CFAP92: variants seen among roughly 807,000 people sequenced by gnomAD.
The protein encoded by CFAP92 is uncharacterized protein CFAP92.
Under a neutral mutation model 106.3 loss-of-function variants are expected in CFAP92, and 86 were observed. That is an observed-to-expected ratio of 0.81 (90% CI 0.68 to 0.97). The LOEUF is 0.97. Ranked by LOEUF, CFAP92 falls within the 50% of genes least tolerant of loss-of-function variation. The pLI is 0.00. For missense variants in CFAP92, 1,204 were observed against 1,283.8 expected (o/e 0.94, Z 0.95); for synonymous variants, 477 against 506.4 (o/e 0.94, Z 0.78).
At chr3:128,962,327 C>T (rs914057917) in intron 9 of CFAP92, among the ~76,000 whole-genome samples, 1 of 152,182 alleles carries the variant, frequency 6.6e-6, no homozygotes, top group African/African-American at 2.4e-5. Context: ...GTTTCCCTTG[C>T]CTCCATAACT....
Position 128,935,131 on chromosome 3 carries a change from A to G in CFAP92, c.2447T>C (p.Leu816Pro). The change falls in exon 11 of 16, where the codon CTA becomes CCA. Residue 816 changes from leucine to proline, a missense_variant. Physicochemically the swap from Leu to Pro is moderately conservative, Grantham distance 98. Transcript: ENST00000645291. ...DTERRRVFQALARIHDICYNS... is the reference protein window; with the variant it reads ...DTERRRVFQAPARIHDICYNS... ...GCGAGCTGCCACTGCCCACCTGGCT[A>G]GAGCCTGGAAGACCCGCCTCCGCTC... is the stretch of plus-strand genomic sequence containing the variant. 1 of 1,524,050 alleles carries G rather than the reference A, an allele frequency of 6.6e-7. No individual in the cohort carries two copies. Among genetic ancestry groups the G allele is most frequent in the Non-Finnish European group, 8.8e-7 (1 of 1,139,236 alleles). The allele number at this position is 1,524,050 out of a possible 1,614,324, so 94.4% of individuals were successfully genotyped here.
chr3:128,975,429 AT>A (rs1943083565), intron 7 of CFAP92, among the ~76,000 whole-genome samples: 1 of 21,502 alleles, frequency 4.7e-5, no homozygotes, highest in Admixed American at 4.1e-4. Context: ...ATGGATAGGG[AT>A]GGATGGATGG....
In CFAP92 at chr3:128,962,751, C is replaced by T. The variant is rs1010304868; in HGVS notation, c.1353+2760G>A. On this transcript the variant is annotated intron_variant, in intron 9 of 15. Transcript: ENST00000645291. The stretch of plus-strand genomic sequence containing the variant: ...CTGTGATCACTCGCCTGCTACAGCA[C>T]GGGCTTCTAAAACCTATAAACTCTC... Among the ~76,000 whole-genome samples, 6 of 152,146 alleles carry T rather than the reference C, an allele frequency of 3.9e-5. 1 individual carries two copies. Among genetic ancestry groups the T allele is most frequent in the South Asian group, 4.1e-4 (2 of 4,828 alleles).
At chr3:128,967,062 A>G (rs810952) in intron 8 of CFAP92, 102,968 of 152,082 alleles carry the variant, frequency 0.68, 36,521 homozygotes, top group African/African-American at 0.91. Context: ...TTTCATCTTC[A>G]AAATGGGGAT....
chr3:128,910,788 C>G lies in CFAP92; in HGVS notation c.3281-455G>C, dbSNP rs1397918512. On this transcript the variant is annotated intron_variant, in intron 15 of 15. Coordinates refer to ENST00000645291, the MANE Select transcript of CFAP92 (RefSeq NM_001394090.1). ...GCGTGGAAGCTTACTTGCAGAATCTCTTCAGCCTCTCTCAGCTGGACAAGT... is the reference window on the plus strand; with the variant it reads ...GCGTGGAAGCTTACTTGCAGAATCTGTTCAGCCTCTCTCAGCTGGACAAGT... 9 of 1,614,098 alleles carry G rather than the reference C, an allele frequency of 5.6e-6. No individual in the cohort carries two copies. In the South Asian group the frequency reaches 9.9e-5, roughly 18 times the overall value.
chr3:128,945,982 G>C lies in CFAP92; in HGVS notation c.1354-7C>G. 1 of 1,427,178 alleles carries C rather than the reference G, an allele frequency of 7.0e-7. No individual in the cohort carries two copies. Among genetic ancestry groups the C allele is most frequent in the Admixed American group, 3.0e-5 (1 of 33,308 alleles). The allele number at this position is 1,427,178 out of a possible 1,614,324, so 88.4% of individuals were successfully genotyped here. ...ACACAGGCATGCACAGCCTCTACGA[G>C]AGAGCAGGGCCACAGCAGGTCACCC... On this transcript the variant is annotated splice_polypyrimidine_tract_variant and splice_region_variant and intron_variant, in intron 9 of 15. Coordinates refer to ENST00000645291, the MANE Select transcript of CFAP92 (RefSeq NM_001394090.1).
At position 128,975,896 on chromosome 3, in the gene CFAP92, C is replaced by T; in HGVS notation, c.904G>A (p.Val302Ile). 6.3e-7 allele frequency: 1 copy of T among 1,599,832 alleles called. No individual in the cohort carries two copies. Among genetic ancestry groups the T allele is most frequent in the Non-Finnish European group, 8.5e-7 (1 of 1,175,620 alleles). The change falls in exon 7 of 16, where the codon GTT becomes ATT. Residue 302 changes from valine (V) to isoleucine (I), a missense_variant. Physicochemically the swap from Val to Ile is conservative, Grantham distance 29 (BLOSUM62 3). Transcript: ENST00000645291. Reference sequence around the variant, plus strand: ...AAAGAAATGGTTGGTGTTCTTGAAACACTCCATCTAGAAAATTCACAAAGA... The same window carrying T: ...AAAGAAATGGTTGGTGTTCTTGAAATACTCCATCTAGAAAATTCACAAAGA... ...MDDSSTIQWS[V>I]SRTPTISLAG...
intron 4 of CFAP92, among the ~76,000 whole-genome samples, chr3:128,984,009 G>A (rs1327990910): frequency 6.6e-6 from 1 of 152,172 alleles, no homozygotes; most frequent in African/African-American, 2.4e-5. Context: ...GAGGGCAGGA[G>A]GGAAAAGACA....
chr3:128,950,690 G>C (rs943318227), intron 9 of CFAP92, among the ~76,000 whole-genome samples: 1 of 152,210 alleles, frequency 6.6e-6, no homozygotes, highest in Non-Finnish European at 1.5e-5. Flanking sequence ...CACACAGGGG[G>C]TGCTCAACTC....
At chr3:128,972,936 C>T (rs72977166) in intron 7 of CFAP92, among the ~76,000 whole-genome samples, 5,068 of 151,744 alleles carry the variant, frequency 0.033, 262 homozygotes, top group African/African-American at 0.11. Flanking sequence ...CTCAAGTGAT[C>T]ATCCCCTCAG....
intron 12 of CFAP92, among the ~76,000 whole-genome samples, chr3:128,931,802 C>G (rs910176516): frequency 1.3e-5 from 2 of 151,946 alleles, no homozygotes; most frequent in Admixed American, 1.3e-4. Flanking sequence ...GCAGGAGAAT[C>G]CCTTGAGCCT....
At position 128,993,239 on chromosome 3, in the gene CFAP92, A is replaced by G. The variant is rs1249046484; in HGVS notation, c.66T>C (p.Thr22=). The change falls in exon 2 of 16, where the codon ACT becomes ACC. Residue 22 remains threonine, a synonymous_variant. Coordinates refer to ENST00000645291, the MANE Select transcript of CFAP92 (RefSeq NM_001394090.1). ...ACTCGCTCGTGGACTGGTAAAAGCT[A>G]GTGATGGAGGAGATGGGCTCTATGC... is the stretch of plus-strand genomic sequence containing the variant. ...PASIEPISSI[T]SFYQSTSECD... is the part of the protein sequence containing the mutation. 6 of 1,613,874 alleles carry G rather than the reference A, an allele frequency of 3.7e-6. No individual in the cohort carries two copies.
intron 10 of CFAP92, among the ~76,000 whole-genome samples, chr3:128,936,489 C>G (rs1036200583): frequency 3.3e-5 from 5 of 151,146 alleles, no homozygotes; most frequent in African/African-American, 4.9e-5. Context: ...TCATCACACC[C>G]AACTAAAACA....
chr3:128,963,061 C>T (rs1266586470), intron 9 of CFAP92, among the ~76,000 whole-genome samples: 2 of 152,244 alleles, frequency 1.3e-5, no homozygotes, highest in African/African-American at 4.8e-5. Context: ...GGCTGTACTG[C>T]CGCAAGGCTT....
At chr3:128,923,237 T>A (rs1576395525) in intron 12 of CFAP92, among the ~76,000 whole-genome samples, 1 of 151,410 alleles carries the variant, frequency 6.6e-6, no homozygotes, top group African/African-American at 2.4e-5. Flanking sequence ...ATGGAGGGGG[T>A]TCCCCCAGTA....
chr3:128,975,922 G>T lies in CFAP92; in HGVS notation c.897-19C>A. ...ACTCCATCTAGAAAATTCACAAAGAGAAAAATTAATGAAGGTGAAAAAAAT... is the reference window on the plus strand; with the variant it reads ...ACTCCATCTAGAAAATTCACAAAGATAAAAATTAATGAAGGTGAAAAAAAT... On this transcript the variant is annotated intron_variant, in intron 6 of 15. Coordinates refer to ENST00000645291, the MANE Select transcript of CFAP92 (RefSeq NM_001394090.1). 6.3e-7 allele frequency: 1 copy of T among 1,587,104 alleles called. No homozygotes were observed. The highest frequency in any genetic ancestry group is 8.6e-7 in the Non-Finnish European group (1 of 1,169,528).
chr3:128,912,500 T>C lies in CFAP92; in HGVS notation c.3281-2167A>G. ...GATCACCCACCATCTCTCCTTTTCC[T>C]TCCCAGATGCTCCAGAAAACCTAGA... On this transcript the variant is annotated intron_variant, in intron 15 of 15. Transcript: ENST00000645291. 6.2e-7 allele frequency: 1 copy of C among 1,612,900 alleles called. No individual in the cohort carries two copies. The highest frequency in any genetic ancestry group is 8.5e-7 in the Non-Finnish European group (1 of 1,178,956).
chr3:128,947,509 C>T (rs545789419), intron 9 of CFAP92, among the ~76,000 whole-genome samples: 1 of 152,320 alleles, frequency 6.6e-6, no homozygotes, highest in East Asian at 1.9e-4. Flanking sequence ...TACAAAGCTA[C>T]TATAAGCAAG....
At chr3:128,913,199 G>T (rs1936539388) in intron 15 of CFAP92, 1 of 386,510 alleles carries the variant, frequency 2.6e-6, no homozygotes, top group Non-Finnish European at 5.2e-6. Flanking sequence ...CTTTGGTGAT[G>T]GCCTCGGGTC....
Sources: gnomAD v4.1 joint callset for allele counts (sites outside exome capture counted in the v4.1 genomes callset) on GRCh38, gnomAD v4.1.1 for gene constraint, MANE v1.5 for transcripts, NCBI Gene and HGNC (gene_info 2026-07-23, HGNC 2026-07-21) for gene names.